The following CNTN6 variants were observed in gnomAD, a reference collection of about 807,000 sequenced individuals.
CNTN6 encodes contactin-6.
CNTN6 carries 137 observed loss-of-function variants against 122.8 expected under a neutral mutation model. The ratio of observed to expected loss-of-function variants is 1.12; its 90% confidence interval spans 0.97 to 1.29. The LOEUF is 1.29. CNTN6 is among the 50% of genes most tolerant of loss of function. The pLI is 0.00. For synonymous variants in CNTN6, 570 were observed against 426.0 expected (o/e 1.34, Z -4.16); for missense variants, 1,634 against 1,223.4 (o/e 1.34, Z -5.01).
intron 4 of CNTN6, among the ~76,000 whole-genome samples, chr3:1,255,488 C>T (rs1237996095): frequency 6.6e-6 from 1 of 151,438 alleles, no homozygotes; most frequent in African/African-American, 2.4e-5. Flanking sequence ...GGAATGGTGT[C>T]AGTAAAAGCT....
At chr3:1,343,872 G>T (rs1045419491) in intron 11 of CNTN6, among the ~76,000 whole-genome samples, 4 of 152,134 alleles carry the variant, frequency 2.6e-5, no homozygotes, top group Non-Finnish European at 5.9e-5. Context: ...TATTCAAAGT[G>T]ATCTGACTTT....
intron 4 of CNTN6, among the ~76,000 whole-genome samples, chr3:1,269,685 T>G (rs2125747457): frequency 6.6e-6 from 1 of 152,320 alleles, no homozygotes; most frequent in Non-Finnish European, 1.5e-5. Context: ...TATTTCATAT[T>G]GGTTTACTTG....
chr3:1,360,226 A>G (rs1053528868), intron 12 of CNTN6, among the ~76,000 whole-genome samples: 2 of 152,086 alleles, frequency 1.3e-5, no homozygotes, highest in Non-Finnish European at 2.9e-5. Flanking sequence ...CTGTGCTCTG[A>G]AAGCCTAAAC....
chr3:1,251,568 C>G (rs777580303), intron 4 of CNTN6, among the ~76,000 whole-genome samples: 2 of 152,088 alleles, frequency 1.3e-5, no homozygotes, highest in Non-Finnish European at 2.9e-5. Context: ...GAAATCCAAA[C>G]CAAAATTTTA....
intron 16 of CNTN6, 94 bp downstream of exon 16, chr3:1,374,167 TG>T: frequency 1.5e-6 from 2 of 1,320,370 alleles, no homozygotes; most frequent in Non-Finnish European, 2.0e-6. Context: ...CTAATACTTT[TG>T]GCTCAAAATT....
chr3:1,388,273 A>G (rs933513686), intron 20 of CNTN6, among the ~76,000 whole-genome samples: 5 of 148,700 alleles, frequency 3.4e-5, no homozygotes, highest in Admixed American at 2.0e-4. Context: ...CGAGCAGCCT[A>G]ACTGGGAGGC....
At chr3:1,398,709 C>T (rs977361654) in intron 20 of CNTN6, among the ~76,000 whole-genome samples, 9 of 137,796 alleles carry the variant, frequency 6.5e-5, no homozygotes, top group Admixed American at 1.4e-4. Context: ...AGGAGTTATT[C>T]GTTTCATTTT....
rs568994891 is a variant in CNTN6 at position 1,232,288 on chromosome 3, G to A, written c.358+4295G>A. On this transcript the variant is annotated intron_variant, in intron 4 of 22. Coordinates refer to ENST00000446702, the MANE Select transcript of CNTN6 (RefSeq NM_001289080.2). ...TTATTGCAAAAGGAAAGGCAGCTGG[G>A]CTGGAGCCTCCTAATTGACCCTTCA... is the stretch of plus-strand genomic sequence containing the variant. Among the ~76,000 whole-genome samples the A allele has an allele frequency of 2.0e-4, 30 of 152,236 alleles. No homozygotes were observed. In the South Asian group the frequency reaches 5.6e-3, roughly 28 times the overall value.
intron 12 of CNTN6, among the ~76,000 whole-genome samples, chr3:1,370,209 C>T (rs147344522): frequency 5.7e-4 from 87 of 151,844 alleles, no homozygotes; most frequent in African/African-American, 2.0e-3. Context: ...TCTCCTCCAT[C>T]TCTCTTCTTT....
At chr3:1,098,955 A>G (rs1160372525) in intron 1 of CNTN6, among the ~76,000 whole-genome samples, 1 of 150,924 alleles carries the variant, frequency 6.6e-6, no homozygotes, top group Non-Finnish European at 1.5e-5. Context: ...AATACAATAT[A>G]TAATAAGGGC....
chr3:1,099,445 T>C (rs968748302), intron 1 of CNTN6, among the ~76,000 whole-genome samples: 31 of 152,154 alleles, frequency 2.0e-4, no homozygotes, highest in African/African-American at 5.3e-4. Flanking sequence ...AGCCAGACTC[T>C]GTCTCAAAAA....
intron 2 of CNTN6, among the ~76,000 whole-genome samples, chr3:1,177,725 A>G (rs958520555): frequency 1.3e-5 from 2 of 151,922 alleles, no homozygotes; most frequent in African/African-American, 4.8e-5. Flanking sequence ...TTCTTCTTAC[A>G]TGCATGATTT....
intron 4 of CNTN6, among the ~76,000 whole-genome samples, chr3:1,269,496 A>G (rs1387755043): frequency 2.0e-5 from 3 of 152,202 alleles, no homozygotes; most frequent in African/African-American, 7.2e-5. Context: ...TTTTAAATGT[A>G]GGGAATATGC....
intron 4 of CNTN6, among the ~76,000 whole-genome samples, chr3:1,242,605 G>A (rs2094500973): frequency 6.6e-6 from 1 of 152,168 alleles, no homozygotes; most frequent in Non-Finnish European, 1.5e-5. Flanking sequence ...TAATGGGCAT[G>A]TGATCAGTTG....
chr3:1,124,314 G>A (rs1291927983), intron 1 of CNTN6, among the ~76,000 whole-genome samples: 1 of 151,666 alleles, frequency 6.6e-6, no homozygotes, highest in African/African-American at 2.4e-5. Flanking sequence ...ACTATTCTTG[G>A]TATACCCCAC....
At chr3:1,295,544 G>C in intron 5 of CNTN6, 57 bp from the exon 6 acceptor site, 1 of 1,432,552 alleles carries the variant, frequency 7.0e-7, no homozygotes, top group Non-Finnish European at 9.7e-7. Context: ...AGATATGAAT[G>C]AATGCAGTAA....
At chr3:1,364,291 T>G (rs1707897398) in intron 12 of CNTN6, among the ~76,000 whole-genome samples, 1 of 151,954 alleles carries the variant, frequency 6.6e-6, no homozygotes, top group Non-Finnish European at 1.5e-5. Flanking sequence ...AAGTGCTATT[T>G]ATATACTAGT....
At chr3:1,264,342 T>G (rs2094893630) in intron 4 of CNTN6, among the ~76,000 whole-genome samples, 1 of 152,148 alleles carries the variant, frequency 6.6e-6, no homozygotes, top group African/African-American at 2.4e-5. Flanking sequence ...GTGAACAAAC[T>G]CTACATTTAA....
intron 1 of CNTN6, among the ~76,000 whole-genome samples, chr3:1,102,943 C>T (rs1043179572): frequency 6.1e-3 from 880 of 143,540 alleles, no homozygotes; most frequent in Non-Finnish European, 8.2e-3. Flanking sequence ...CCGTCTCTAC[C>T]AAAAATACAA....
Sources: allele counts gnomAD v4.1 joint callset (sites outside exome capture counted in the v4.1 genomes callset), GRCh38; gene constraint gnomAD v4.1.1; transcripts MANE v1.5; gene names NCBI Gene and HGNC (gene_info 2026-07-23, HGNC 2026-07-21).